PMS1: variants seen among roughly 807,000 people sequenced by gnomAD.
PMS1 encodes PMS1 homolog 1, mismatch repair system component, also known as PMS1 protein homolog 1.
A neutral mutation model predicts 93.1 loss-of-function variants in PMS1; 79 were observed. The ratio of observed to expected loss-of-function variants is 0.85; its 90% CI spans 0.71 to 1.02. The LOEUF (loss-of-function observed/expected upper bound fraction) is 1.02. PMS1 is among the 50% of genes least tolerant of loss of function. The pLI is 0.00. For synonymous variants in PMS1, 335 were observed against 363.4 expected (o/e 0.92, Z 0.89); for missense variants, 1,064 against 1,085.3 (o/e 0.98, Z 0.28).
At position 189,827,762 on chromosome 2, in the gene PMS1, A is replaced by G. The variant is rs1036622167; in HGVS notation, c.582+9582A>G. ...CCAGGCACAGAGAGACAAATACCAC[A>G]TGATCTCACTTATATGTGGAATCTA... On this transcript the variant is annotated intron_variant, in intron 5 of 12. Coordinates refer to ENST00000441310, the MANE Select transcript of PMS1 (RefSeq NM_000534.5). Among the ~76,000 whole-genome samples, 3 of 152,144 alleles carry G rather than the reference A, an allele frequency of 2.0e-5. No individual in the cohort carries two copies. In the South Asian group the frequency reaches 6.2e-4, roughly 32 times the overall value.
Position 189,854,597 on chromosome 2 carries a change from G to C in PMS1, c.1325G>C (p.Ser442Thr), listed in dbSNP as rs1575286911. 1 of 1,613,814 alleles carries C rather than the reference G, an allele frequency of 6.2e-7. No homozygotes were observed. Among genetic ancestry groups the C allele is most frequent in the East Asian group, 2.2e-5 (1 of 44,838 alleles). The change falls in exon 9 of 13, where the codon AGT becomes ACT. Residue 442 changes from serine to threonine, a missense_variant. Ser to Thr is a moderately conservative substitution (Grantham distance 58, BLOSUM62 1). Coordinates refer to ENST00000441310, the MANE Select transcript of PMS1 (RefSeq NM_000534.5). The stretch of plus-strand genomic sequence containing the variant: ...AATGCATTTCAGGACATTTCAATGA[G>C]TAATGTATCATGGGAGAACTCTCAG... ...TKNAFQDISMSNVSWENSQTE... is the reference protein window; with the variant it reads ...TKNAFQDISMTNVSWENSQTE...
chr2:189,814,317 A>C (rs1233271), intron 4 of PMS1, among the ~76,000 whole-genome samples: 10,462 of 147,000 alleles, frequency 0.071, 701 homozygotes, highest in African/African-American at 0.18. Context: ...ACCCCCCCCC[A>C]AAAAAAAATC....
At chr2:189,855,240 A>AAAAT in intron 9 of PMS1, 112 bp downstream of exon 9, 1 of 903,208 alleles carries the variant, frequency 1.1e-6, no homozygotes, top group Non-Finnish European at 1.8e-6. Context: ...AGCAGATCAG[A>AAAAT]AAATACCTTT....
chr2:189,805,265 A>C (rs1228466943), intron 3 of PMS1, among the ~76,000 whole-genome samples: 1 of 152,154 alleles, frequency 6.6e-6, no homozygotes, highest in African/African-American at 2.4e-5. Context: ...CACTTTACCA[A>C]AGAACTATTC....
chr2:189,822,084 G>A (rs551743442), intron 5 of PMS1, among the ~76,000 whole-genome samples: 2 of 152,330 alleles, frequency 1.3e-5, no homozygotes, highest in African/African-American at 4.8e-5. Context: ...GCCTGCGCGT[G>A]TCCTGCGTGA....
chr2:189,856,167 T>A (rs1284289775), intron 9 of PMS1, among the ~76,000 whole-genome samples: 3 of 151,728 alleles, frequency 2.0e-5, no homozygotes, highest in East Asian at 1.9e-4. Flanking sequence ...TTTTTTTTTT[T>A]AAGTGGGAAT....
In PMS1 at chr2:189,855,088, G is replaced by A; in HGVS notation, c.1816G>A (p.Glu606Lys). Reference protein sequence around the residue: ...TSLEDATLQIEELWKTLSEEE... With the variant: ...TSLEDATLQIKELWKTLSEEE... ...TTTAGAGGATGCAACACTACAAATTGAAGAACTGTGGAAGACATTGAGTGA... is the reference window on the plus strand; with the variant it reads ...TTTAGAGGATGCAACACTACAAATTAAAGAACTGTGGAAGACATTGAGTGA... The change falls in exon 9 of 13, where the codon GAA (glutamate) becomes AAA (lysine). Residue 606 changes from glutamate (E) to lysine (K), a missense_variant. Glu to Lys is a moderately conservative substitution (Grantham distance 56). Transcript: ENST00000441310. The A allele has an allele frequency of 6.2e-7, 1 of 1,613,388 alleles. No homozygotes were observed. The highest frequency in any genetic ancestry group is 8.5e-7 in the Non-Finnish European group (1 of 1,179,514).
intron 5 of PMS1, among the ~76,000 whole-genome samples, chr2:189,825,887 T>C (rs2052385810): frequency 6.6e-6 from 1 of 152,200 alleles, no homozygotes; most frequent in African/African-American, 2.4e-5. Flanking sequence ...TTGTGCTCTG[T>C]AAGAATGATG....
chr2:189,837,107 A>G (rs1345167019), intron 5 of PMS1, among the ~76,000 whole-genome samples: 1 of 152,030 alleles, frequency 6.6e-6, no homozygotes, highest in Non-Finnish European at 1.5e-5. Flanking sequence ...TAAAAATGTC[A>G]ATATCAGAGA....
intron 3 of PMS1, among the ~76,000 whole-genome samples, chr2:189,798,967 C>G (rs2049624591): frequency 6.6e-6 from 1 of 152,124 alleles, no homozygotes; most frequent in Non-Finnish European, 1.5e-5. Flanking sequence ...TTCACATGAG[C>G]TGTATGATTT....
At chr2:189,805,545 A>G (rs2050257453) in intron 3 of PMS1, 107 bp from the exon 4 acceptor site, 1 of 911,436 alleles carries the variant, frequency 1.1e-6, no homozygotes, top group Admixed American at 1.9e-5. Flanking sequence ...ATTAGGTAAA[A>G]TACGCTATTG....
At chr2:189,810,781 A>G (rs2050772506) in intron 4 of PMS1, among the ~76,000 whole-genome samples, 1 of 152,196 alleles carries the variant, frequency 6.6e-6, no homozygotes, top group Non-Finnish European at 1.5e-5. Context: ...GAAGAGATAT[A>G]TTCTTCACTC....
At position 189,854,887 on chromosome 2, in the gene PMS1, A is replaced by G. The variant is rs1038138809; in HGVS notation, c.1615A>G (p.Met539Val). The change falls in exon 9 of 13, where the codon ATG (methionine) becomes GTG (valine). Residue 539 changes from methionine to valine, a missense_variant. Met to Val is a conservative substitution (Grantham distance 21, BLOSUM62 1). Coordinates refer to ENST00000441310, the MANE Select transcript of PMS1 (RefSeq NM_000534.5). ...SNNNYPIPEQ[M>V]NLNEDSCNKK... ...TAATAATTATCCAATCCCTGAACAA[A>G]TGAATCTTAATGAAGATTCATGTAA... 15 of 1,605,780 alleles carry G rather than the reference A, an allele frequency of 9.3e-6. No individual in the cohort carries two copies. In the Admixed American group the frequency reaches 1.2e-4, roughly 13 times the overall value.
In PMS1 at chr2:189,854,843, T is replaced by C. The variant is rs560096410; in HGVS notation, c.1571T>C (p.Leu524Ser). 4 of 1,611,460 alleles carry C rather than the reference T, an allele frequency of 2.5e-6. No individual in the cohort carries two copies. The East Asian group carries it at 6.7e-5, about 27-fold the overall frequency. ...PVKILVPEKS[L>S]PCKVSNNNYP... Reference sequence around the variant, plus strand: ...AAAATTTTAGTGCCTGAAAAAAGTTTACCATGTAAAGTAAGTAATAATAAT... The same window carrying C: ...AAAATTTTAGTGCCTGAAAAAAGTTCACCATGTAAAGTAAGTAATAATAAT... Residue 524 changes from leucine to serine, a missense_variant, in exon 9 of 13, where the codon TTA becomes TCA. Leu to Ser is a moderately radical substitution (Grantham distance 145). Transcript: ENST00000441310.
At chr2:189,841,330 T>C (rs1369107251) in intron 5 of PMS1, among the ~76,000 whole-genome samples, 1 of 152,222 alleles carries the variant, frequency 6.6e-6, no homozygotes, top group Non-Finnish European at 1.5e-5. Context: ...TTGGTATCAA[T>C]ACAACTCTAG....
At chr2:189,865,878 C>G (rs1436038080) in intron 10 of PMS1, among the ~76,000 whole-genome samples, 1 of 151,910 alleles carries the variant, frequency 6.6e-6, no homozygotes, top group Non-Finnish European at 1.5e-5. Flanking sequence ...TCAGAACTTC[C>G]AAGAATAAAG....
At chr2:189,824,088 T>C (rs147473455) in intron 5 of PMS1, among the ~76,000 whole-genome samples, 3 of 152,218 alleles carry the variant, frequency 2.0e-5, no homozygotes, top group African/African-American at 7.2e-5. Context: ...TGTTCCTTTG[T>C]TAAAAACACC....
chr2:189,857,602 T>C (rs983566547), intron 9 of PMS1: 78 of 400,630 alleles, frequency 1.9e-4, no homozygotes, highest in Admixed American at 9.6e-5. Context: ...CCTTTTCCTT[T>C]CTTCTTCTCT....
intron 5 of PMS1, among the ~76,000 whole-genome samples, chr2:189,820,783 G>A (rs1367715131): frequency 5.3e-5 from 8 of 152,114 alleles, no homozygotes; most frequent in African/African-American, 1.9e-4. Flanking sequence ...ATAGTGCTGA[G>A]GTCAGAACCC....
Sources: allele counts gnomAD v4.1 joint callset (sites outside exome capture counted in the v4.1 genomes callset), GRCh38; gene constraint gnomAD v4.1.1; transcripts MANE v1.5; gene names NCBI Gene and HGNC (gene_info 2026-07-23, HGNC 2026-07-21).